RPH3AL: variants seen among roughly 807,000 people sequenced by gnomAD.
The protein encoded by RPH3AL is rab effector Noc2.
RPH3AL carries 38 observed loss-of-function variants against 43.1 expected under a neutral mutation model. The ratio of observed to expected loss-of-function variants is 0.88; its 90% CI spans 0.68 to 1.15. RPH3AL has a LOEUF of 1.15. Among genes scored for constraint, RPH3AL ranks in the 50% most tolerant of loss-of-function variants. The pLI, the probability that RPH3AL is intolerant of heterozygous loss-of-function variation, is 0.00. For missense variants in RPH3AL, 462 were observed against 423.2 expected (o/e 1.09, Z -0.81); for synonymous variants, 189 against 176.3 (o/e 1.07, Z -0.57).
intron 6 of RPH3AL, 31 bp downstream of exon 6, chr17:281,710 CATCTGAGGGCATATCCAGCCCACTCAG>C: frequency 8.7e-7 from 1 of 1,144,412 alleles, no homozygotes; most frequent in Non-Finnish European, 1.3e-6. Context: ...CACCCATCCC[CATCTGAGGGCATATCCAGCCCACTCAG>C]CCCTCCCCAC....
At chr17:268,561 T>TG (rs1160177176) in intron 6 of RPH3AL, among the ~76,000 whole-genome samples, 5 of 127,958 alleles carry the variant, frequency 3.9e-5, no homozygotes, top group Admixed American at 8.1e-5. Context: ...GGGTTTTTTT[T>TG]TTTTTTTTTT....
chr17:263,024 C>G lies in RPH3AL; in HGVS notation c.439-15739G>C, dbSNP rs546337836. ...AAGAAATTCTTCCAATGACATTAGC[C>G]TCTTTGTGTCATCACTCTGCCACGT... On this transcript the variant is annotated intron_variant, in intron 6 of 9. Coordinates refer to ENST00000331302, the MANE Select transcript of RPH3AL (RefSeq NM_006987.4). 1.1e-4 allele frequency among the ~76,000 whole-genome samples: 17 copies of G among 152,328 alleles called. No homozygotes were observed. The South Asian group carries it at 3.5e-3, about 32-fold the overall frequency.
chr17:349,725 G>C (rs2045317192), intron 1 of RPH3AL, among the ~76,000 whole-genome samples: 1 of 152,138 alleles, frequency 6.6e-6, no homozygotes, highest in African/African-American at 2.4e-5. Flanking sequence ...TTAAAATAAT[G>C]CTTCTCCTCC....
intron 7 of RPH3AL, among the ~76,000 whole-genome samples, chr17:241,055 C>CAATAATAATAATAATAAT (rs57086885): frequency 1.4e-5 from 2 of 143,556 alleles, no homozygotes; most frequent in African/African-American, 5.2e-5. Context: ...GACTCCATCT[C>CAATAATAATAATAATAAT]AATAATAATA....
intron 5 of RPH3AL, among the ~76,000 whole-genome samples, chr17:300,898 G>A (rs1258143723): frequency 6.6e-6 from 1 of 151,538 alleles, no homozygotes; most frequent in Non-Finnish European, 1.5e-5. Flanking sequence ...GCCTAGACCT[G>A]CAGAAGCTCT....
intron 5 of RPH3AL, 114 bp downstream of exon 5, chr17:319,305 AC>A (rs2044391226): frequency 7.9e-7 from 1 of 1,265,036 alleles, no homozygotes; most frequent in Non-Finnish European, 1.1e-6. Flanking sequence ...TGCAGAGGAT[AC>A]CACATGCCCA....
chr17:326,079 C>T (rs975900792), intron 3 of RPH3AL, among the ~76,000 whole-genome samples: 5 of 152,198 alleles, frequency 3.3e-5, no homozygotes, highest in African/African-American at 7.2e-5. Context: ...AGCACAGTGG[C>T]GGAGCTCTCC....
At chr17:314,372 G>C (rs568263230) in intron 5 of RPH3AL, among the ~76,000 whole-genome samples, 1 of 146,974 alleles carries the variant, frequency 6.8e-6, no homozygotes, top group African/African-American at 2.6e-5. Context: ...GTCACTGCCC[G>C]AGTCCTGCAA....
chr17:343,766 TC>T lies in RPH3AL; in HGVS notation c.-213+8945del, dbSNP rs1418365983. ...TAGAGGCCAGGAATGCTGCTAAACA[TC>T]CCTGAGGCACAAAACAGCCCCCATG... is the stretch of plus-strand genomic sequence containing the variant. On this transcript the variant is annotated intron_variant, in intron 1 of 9. Coordinates refer to ENST00000331302, the MANE Select transcript of RPH3AL (RefSeq NM_006987.4). Among the ~76,000 whole-genome samples, 3 of 152,252 alleles carry T rather than the reference TC, an allele frequency of 2.0e-5. No individual in the cohort carries two copies. In the South Asian group the frequency reaches 6.2e-4, roughly 32 times the overall value.
At chr17:234,812 G>T (rs1281329159) in intron 7 of RPH3AL, among the ~76,000 whole-genome samples, 5 of 152,224 alleles carry the variant, frequency 3.3e-5, no homozygotes, top group African/African-American at 1.2e-4. Flanking sequence ...GGCTGGGGGT[G>T]AGGAGAAGGA....
At chr17:218,990 C>T (rs1264184626) in intron 8 of RPH3AL, among the ~76,000 whole-genome samples, 1 of 152,016 alleles carries the variant, frequency 6.6e-6, no homozygotes, top group Non-Finnish European at 1.5e-5. Flanking sequence ...GTATGCAGGC[C>T]AAGGGCATGG....
At position 346,173 on chromosome 17, in the gene RPH3AL, G is replaced by A. The variant is rs1382347023; in HGVS notation, c.-213+6539C>T. Among the ~76,000 whole-genome samples, 5 of 134,690 alleles carry A rather than the reference G, an allele frequency of 3.7e-5. 2 individuals carry two copies. The highest frequency in any genetic ancestry group is 4.7e-4 in the East Asian group (2 of 4,214). 88.4% of individuals were successfully genotyped at this position (134,690 alleles called of 152,430 possible). On this transcript the variant is annotated intron_variant, in intron 1 of 9. Transcript: ENST00000331302. ...GAGAGGTAAATGACAGCTGGTAAGC[G>A]ACAAAGGCCCAGGATTTGAACTCCA...
rs186811853 is a variant in RPH3AL, at chr17:322,005, G to C, written c.78-590C>G. ...TGAGACGGAGTTCACCAGGGGACAG[G>C]AAAGCCATGTAATTAGGGTGAAGAC... On this transcript the variant is annotated intron_variant, in intron 3 of 9. Transcript: ENST00000331302. The surrounding 1 kb of genome is among the most constrained non-coding windows in gnomAD (Gnocchi z 4.0). 2.0e-5 allele frequency among the ~76,000 whole-genome samples: 3 copies of C among 152,366 alleles called. No individual in the cohort carries two copies. The highest frequency in any genetic ancestry group is 2.9e-5 in the Non-Finnish European group (2 of 68,040).
chr17:331,947 G>A, intron 2 of RPH3AL: 1 of 1,166,266 alleles, frequency 8.6e-7, no homozygotes, highest in Admixed American at 2.3e-5. Flanking sequence ...GGAAAAGCAG[G>A]GAAGGCAAAC....
At chr17:298,944 T>C (rs977141315) in intron 5 of RPH3AL, among the ~76,000 whole-genome samples, 2 of 151,768 alleles carry the variant, frequency 1.3e-5, no homozygotes, top group Admixed American at 6.6e-5. Context: ...CAGCTGGGGA[T>C]TTCACTCACG....
chr17:285,303 G>T (rs910536371), intron 5 of RPH3AL, among the ~76,000 whole-genome samples: 1 of 152,142 alleles, frequency 6.6e-6, no homozygotes, highest in African/African-American at 2.4e-5. Context: ...CACAGGTTTG[G>T]GGATGGCAGA....
intron 7 of RPH3AL, among the ~76,000 whole-genome samples, chr17:236,940 C>A (rs1036429556): frequency 6.6e-6 from 1 of 152,260 alleles, no homozygotes; most frequent in African/African-American, 2.4e-5. Flanking sequence ...CCCTGGTCAG[C>A]CTTCCCCTCC....
intron 1 of RPH3AL, among the ~76,000 whole-genome samples, chr17:340,443 CCCACCCA>C (rs2045084857): frequency 2.5e-5 from 3 of 119,208 alleles, no homozygotes; most frequent in East Asian, 2.7e-4. Flanking sequence ...CTCACTGCCC[CCCACCCA>C]GGCCTCCCCA....
chr17:338,212 A>G (rs1301332168), intron 1 of RPH3AL, among the ~76,000 whole-genome samples: 1 of 152,216 alleles, frequency 6.6e-6, no homozygotes, highest in African/African-American at 2.4e-5. Flanking sequence ...CTGTAACCCC[A>G]GCACTTTGGG....
Sources: allele counts gnomAD v4.1 joint callset (sites outside exome capture counted in the v4.1 genomes callset), GRCh38; gene constraint gnomAD v4.1.1; non-coding constraint Gnocchi (gnomAD v3.1); transcripts MANE v1.5; gene names NCBI Gene and HGNC (gene_info 2026-07-23, HGNC 2026-07-21).